The following LMBR1 variants were observed in gnomAD, a reference collection of about 807,000 sequenced individuals.
LMBR1 encodes limb development membrane protein 1.
A neutral mutation model predicts 73.9 loss-of-function variants in LMBR1; 52 were observed. That is an observed-to-expected ratio of 0.70 (90% CI 0.56 to 0.89). LMBR1 has a LOEUF of 0.89. Among genes scored for constraint, LMBR1 ranks in the 40% least tolerant of loss-of-function variants. The pLI is 0.00. For missense variants in LMBR1, 539 were observed against 579.8 expected (o/e 0.93, Z 0.72); for synonymous variants, 215 against 209.4 (o/e 1.03, Z -0.23).
At position 156,893,139 on chromosome 7, in the gene LMBR1, G is replaced by C. The variant is rs751044177; in HGVS notation, c.-146C>G. The C allele has an allele frequency of 2.8e-6, 2 of 708,726 alleles. No homozygotes were observed. The highest frequency in any genetic ancestry group is 4.0e-6 in the Non-Finnish European group (2 of 501,584). 43.9% of individuals were successfully genotyped at this position (708,726 alleles called of 1,614,324 possible). On this transcript the variant is annotated 5_prime_UTR_variant, in exon 1 of 17. Coordinates refer to ENST00000353442, the MANE Select transcript of LMBR1 (RefSeq NM_022458.4). ...GTGTTGGAACAGGTACCGCGACCAC[G>C]ACACCGGCCGTCGCCTCAGCAGCCT...
chr7:156,857,960 G>C (rs1397528907), intron 1 of LMBR1, among the ~76,000 whole-genome samples: 1 of 149,060 alleles, frequency 6.7e-6, no homozygotes, highest in Non-Finnish European at 1.5e-5. Flanking sequence ...CGCTTAGAGG[G>C]AAATGTATAG....
rs146572018 is a variant in LMBR1, at chr7:156,683,941, G to GA, written c.*136dup. Reference sequence around the variant, plus strand: ...CATAGCCAAGTTCTTCGTAGATTATGAAAAAAAAATGGCACTGATAGGTCT... The same window carrying GA: ...CATAGCCAAGTTCTTCGTAGATTATGAAAAAAAAAATGGCACTGATAGGTCT... On this transcript the variant is annotated 3_prime_UTR_variant, in exon 17 of 17. Transcript: ENST00000353442. The GA allele has an allele frequency of 7.7e-3, 5,141 of 669,652 alleles. 92 individuals carry two copies. The highest frequency in any genetic ancestry group is 0.057 in the African/African-American group (3,136 of 55,144). The allele number at this position is 669,652 out of a possible 1,614,324, so 41.5% of individuals were successfully genotyped here.
At chr7:156,782,079 T>C (rs766666956) in intron 5 of LMBR1, among the ~76,000 whole-genome samples, 50 of 152,238 alleles carry the variant, frequency 3.3e-4, no homozygotes, top group African/African-American at 4.6e-4. Flanking sequence ...GAGAATCATA[T>C]AGAATTTGTC....
chr7:156,807,408 T>TA (rs1832331848), intron 4 of LMBR1, among the ~76,000 whole-genome samples: 2 of 151,030 alleles, frequency 1.3e-5, no homozygotes, highest in Non-Finnish European at 2.9e-5. Context: ...GAGAAGGCTT[T>TA]AATAGTTTTT....
At chr7:156,696,197 A>G (rs1221993699) in intron 15 of LMBR1, among the ~76,000 whole-genome samples, 1 of 152,258 alleles carries the variant, frequency 6.6e-6, no homozygotes, top group African/African-American at 2.4e-5. Flanking sequence ...TCCATAAAAG[A>G]AAATTTAATA....
intron 4 of LMBR1, among the ~76,000 whole-genome samples, chr7:156,819,343 T>C (rs898261065): frequency 6.6e-6 from 1 of 152,236 alleles, no homozygotes; most frequent in Non-Finnish European, 1.5e-5. Context: ...CTAATCCATA[T>C]GTGATTTACA....
At chr7:156,859,899 T>C (rs1039321597) in intron 1 of LMBR1, among the ~76,000 whole-genome samples, 1 of 152,214 alleles carries the variant, frequency 6.6e-6, no homozygotes, top group Admixed American at 6.5e-5. Flanking sequence ...AGGAGACTTA[T>C]AGGCCTACAA....
At chr7:156,790,903 C>G (rs778787794) in intron 5 of LMBR1, among the ~76,000 whole-genome samples, 1 of 152,150 alleles carries the variant, frequency 6.6e-6, no homozygotes, top group Non-Finnish European at 1.5e-5. Context: ...ATAACCACAC[C>G]TTTACAGTAA....
At chr7:156,840,095 A>C (rs779235649) in intron 1 of LMBR1, among the ~76,000 whole-genome samples, 4 of 152,222 alleles carry the variant, frequency 2.6e-5, no homozygotes, top group Non-Finnish European at 5.9e-5. Context: ...TTTAGGACAG[A>C]GGCTGATTTA....
At position 156,728,651 on chromosome 7, in the gene LMBR1, A is replaced by G; in HGVS notation, c.908T>C (p.Ile303Thr). 2 of 1,590,438 alleles carry G rather than the reference A, an allele frequency of 1.3e-6. No homozygotes were observed. Among genetic ancestry groups the G allele is most frequent in the South Asian group, 1.2e-5 (1 of 85,486 alleles). ...VYPAVMVLLL[I>T]ETSISVLLVA... ...AGGCAAATAAATTCTTACTGTCTCAATAAGAAGGAGAACCATAACAGCGGG... is the reference window on the plus strand; with the variant it reads ...AGGCAAATAAATTCTTACTGTCTCAGTAAGAAGGAGAACCATAACAGCGGG... The change falls in exon 11 of 17, where the codon ATT becomes ACT. Residue 303 changes from isoleucine to threonine, a missense_variant. Physicochemically the swap from Ile to Thr is moderately conservative, Grantham distance 89. Transcript: ENST00000353442.
chr7:156,798,448 G>A (rs1410746752), intron 4 of LMBR1, among the ~76,000 whole-genome samples: 1 of 152,022 alleles, frequency 6.6e-6, no homozygotes, highest in Non-Finnish European at 1.5e-5. Context: ...ATGTGTCCAG[G>A]AACAATCTCT....
intron 12 of LMBR1, 136 bp downstream of exon 12, chr7:156,727,794 G>T: frequency 2.4e-6 from 1 of 417,394 alleles, no homozygotes; most frequent in Non-Finnish European, 4.2e-6. Flanking sequence ...AAGGCTCTTT[G>T]CATAAAGAAA....
downstream of LMBR1, among the ~76,000 whole-genome samples, chr7:156,674,356 G>A (rs982140656): frequency 6.6e-6 from 1 of 152,372 alleles, no homozygotes; most frequent in Admixed American, 6.5e-5. Flanking sequence ...AATGGGAAAT[G>A]TCATCTCTGG....
chr7:156,751,068 T>C (rs950575056), intron 9 of LMBR1, among the ~76,000 whole-genome samples: 3 of 152,160 alleles, frequency 2.0e-5, no homozygotes, highest in African/African-American at 7.2e-5. Flanking sequence ...CGTGATTGTG[T>C]CACTGCACTC....
At chr7:156,705,693 A>C (rs80181231) in intron 15 of LMBR1, among the ~76,000 whole-genome samples, 5,758 of 152,344 alleles carry the variant, frequency 0.038, 155 homozygotes, top group Non-Finnish European at 0.057. Context: ...AGATCCTGTA[A>C]GAAATGCTCA....
chr7:156,726,607 G>C (rs183127170), intron 12 of LMBR1, among the ~76,000 whole-genome samples: 2 of 152,190 alleles, frequency 1.3e-5, no homozygotes, highest in East Asian at 3.9e-4. Flanking sequence ...AGAAACACCA[G>C]GGATAATTAA....
At chr7:156,826,851 T>C in intron 3 of LMBR1, 107 bp from the exon 4 acceptor site, 2 of 1,025,094 alleles carry the variant, frequency 2.0e-6, no homozygotes. Flanking sequence ...AAAAGCATTA[T>C]ATTAAGAACT....
intron 15 of LMBR1, among the ~76,000 whole-genome samples, chr7:156,702,761 T>TAG (rs1810070953): frequency 6.6e-6 from 1 of 152,254 alleles, no homozygotes; most frequent in Non-Finnish European, 1.5e-5. Flanking sequence ...TTTTGATATC[T>TAG]ACCCCAAGGA....
At position 156,833,310 on chromosome 7, in the gene LMBR1, C is replaced by T. The variant is rs73166189; in HGVS notation, c.179+443G>A. Among the ~76,000 whole-genome samples the T allele has an allele frequency of 6.0e-3, 915 of 152,276 alleles. 1 individual carries two copies. Among genetic ancestry groups the T allele is most frequent in the Non-Finnish European group, 9.1e-3 (620 of 68,022 alleles). ...TCAGTTTGATACTTCAATAAAATTA[C>T]AGGACCTCCCTATCATATCTCACCG... On this transcript the variant is annotated intron_variant, in intron 3 of 16. Coordinates refer to ENST00000353442, the MANE Select transcript of LMBR1 (RefSeq NM_022458.4).
Sources: allele counts gnomAD v4.1 joint callset (sites outside exome capture counted in the v4.1 genomes callset), GRCh38; gene constraint gnomAD v4.1.1; transcripts MANE v1.5; gene names NCBI Gene and HGNC (gene_info 2026-07-23, HGNC 2026-07-21).